PHF8: variants seen among roughly 807,000 people sequenced by gnomAD.
PHF8 encodes the protein histone lysine demethylase PHF8.
PHF8 carries 9 observed loss-of-function variants against 74.4 expected under a neutral mutation model. That is an observed-to-expected ratio of 0.12 (90% CI 0.07 to 0.21). The LOEUF is 0.21. PHF8 is among the 10% of genes least tolerant of loss of function. The probability of loss-of-function intolerance (pLI) is 1.00; values close to 1 mark genes in which losing one functional copy is unlikely to be tolerated. For synonymous variants in PHF8, 311 were observed against 316.6 expected (o/e 0.98, Z 0.19); for missense variants, 478 against 816.6 (o/e 0.59, Z 5.05).
chrX:54,003,224 T>A (rs1557104567), intron 8 of PHF8, among the ~76,000 whole-genome samples: 1 of 112,348 alleles, frequency 8.9e-6, no homozygotes, highest in Admixed American at 9.5e-5. Flanking sequence ...AATTGATAAA[T>A]ATAAACCACA....
chrX:53,937,687 A>C lies in PHF8; in HGVS notation c.*1471T>G, dbSNP rs2064688218. On this transcript the variant is annotated 3_prime_UTR_variant, in exon 22 of 22. Coordinates refer to ENST00000338154, the MANE Select transcript of PHF8 (RefSeq NM_015107.3). ...TGGAGAAAAGAAAGACAAACTGGAG[A>C]TACAAAGATGACAAAAGAAGCCTCA... 1 of 290,737 alleles carries C rather than the reference A, an allele frequency of 3.4e-6. No individual in the cohort carries two copies. Among genetic ancestry groups the C allele is most frequent in the Non-Finnish European group, 6.1e-6 (1 of 164,200 alleles). The allele number at this position is 290,737 out of a possible 1,213,427, so 24.0% of individuals were successfully genotyped here. A position where few individuals can be genotyped will look rare whatever the true frequency, so the allele number is the denominator to read the frequency against.
chrX:54,023,967 C>T (rs887354416), intron 2 of PHF8, among the ~76,000 whole-genome samples: 4 of 111,123 alleles, frequency 3.6e-5, no homozygotes, highest in Admixed American at 9.6e-5. Flanking sequence ...AATGGACTTC[C>T]TGGGATTAGG....
chrX:54,017,226 G>A lies in PHF8; in HGVS notation c.454+435C>T, dbSNP rs193099980. On this transcript the variant is annotated intron_variant, in intron 5 of 21. Transcript: ENST00000338154. ...GTTGGGAGGCCGAGGCAGAAAGATC[G>A]CTTGAGCCCAGTAGTTGGAGATCAG... Among the ~76,000 whole-genome samples, 253 of 112,880 alleles carry A rather than the reference G, an allele frequency of 2.2e-3. 1 individual carries two copies. Among genetic ancestry groups the A allele is most frequent in the Non-Finnish European group, 3.8e-3 (200 of 53,325 alleles).
intron 19 of PHF8, among the ~76,000 whole-genome samples, chrX:53,955,421 T>C (rs1008884403): frequency 4.9e-4 from 54 of 110,213 alleles, no homozygotes; most frequent in African/African-American, 1.7e-3. Context: ...TTATATCTTA[T>C]CTTTCACTCA....
chrX:53,951,007 G>C (rs1224724186), intron 19 of PHF8, among the ~76,000 whole-genome samples: 11 of 112,295 alleles, frequency 9.8e-5, no homozygotes, highest in African/African-American at 3.6e-4. Context: ...TGCTTTCAAA[G>C]GCTAAAGGAG....
chrX:54,008,813 G>A (rs1318756274), intron 8 of PHF8, among the ~76,000 whole-genome samples: 1 of 111,944 alleles, frequency 8.9e-6, no homozygotes, highest in Non-Finnish European at 1.9e-5. Flanking sequence ...GTGAAAAAGG[G>A]GTTGTCAAGG....
intron 19 of PHF8, among the ~76,000 whole-genome samples, chrX:53,959,360 T>C (rs985957162): frequency 3.3e-4 from 37 of 111,776 alleles, no homozygotes; most frequent in African/African-American, 1.1e-3. Context: ...CCCTTCTACT[T>C]TGCATCCTTG....
At chrX:53,961,327 A>AT (rs1227095597) in intron 19 of PHF8, among the ~76,000 whole-genome samples, 50 of 101,075 alleles carry the variant, frequency 4.9e-4, no homozygotes, top group Non-Finnish European at 5.9e-4. Context: ...ACCTAGCCAA[A>AT]TTTTTTTTTT....
At chrX:53,956,696 G>GTA (rs1233686155) in intron 19 of PHF8, among the ~76,000 whole-genome samples, 3 of 109,600 alleles carry the variant, frequency 2.7e-5, no homozygotes, top group Non-Finnish European at 5.7e-5. Flanking sequence ...GTGTGTGTGT[G>GTA]TGTGTGTGTG....
At chrX:54,017,136 C>T (rs1488010179) in intron 5 of PHF8, among the ~76,000 whole-genome samples, 3 of 112,949 alleles carry the variant, frequency 2.7e-5, no homozygotes, top group Non-Finnish European at 3.7e-5. Flanking sequence ...GGAGCTCAAC[C>T]TGGGGTTTTA....
rs1557083077 is a variant in PHF8 at position 53,940,333 on chromosome X, G to A, written c.2833C>T (p.Leu945=). 2.5e-6 allele frequency: 3 copies of A among 1,210,041 alleles called. No homozygotes were observed. Among genetic ancestry groups the A allele is most frequent in the Non-Finnish European group, 3.4e-6 (3 of 894,655 alleles). The change falls in exon 21 of 22, where the codon CTG becomes TTG. Residue 945 remains leucine, a synonymous_variant. Transcript: ENST00000338154. The part of the protein sequence containing the change: ...LPPPEPKQEA[L]SGSLADHEYT... ...TCATGGTCAGCGAGACTTCCTGACA[G>A]GGCCTCTTGTTTAGGCTCAGGAGGA...
chrX:53,940,155 T>C (rs782031339), intron 21 of PHF8, 25 bp downstream of exon 21: 1 of 1,120,261 alleles, frequency 8.9e-7, no homozygotes, highest in African/African-American at 1.8e-5. Context: ...GATCCTTCGG[T>C]TCTACAACCA....
At chrX:53,953,187 T>C (rs1302501302) in intron 19 of PHF8, among the ~76,000 whole-genome samples, 5 of 105,041 alleles carry the variant, frequency 4.8e-5, no homozygotes, top group African/African-American at 1.4e-4. Context: ...GGCGGGAGTA[T>C]TGCTTGAACC....
chrX:53,982,281 G>C (rs1297259960), intron 18 of PHF8, among the ~76,000 whole-genome samples: 1 of 112,477 alleles, frequency 8.9e-6, no homozygotes, highest in Admixed American at 9.4e-5. Context: ...TTCACAGCAA[G>C]GTCTGCAGAG....
chrX:54,008,795 CAAAT>C (rs1261888861), intron 8 of PHF8, among the ~76,000 whole-genome samples: 6 of 111,933 alleles, frequency 5.4e-5, no homozygotes, highest in Non-Finnish European at 1.1e-4. Flanking sequence ...AATCCATACA[CAAAT>C]GAAGTGAAAA....
chrX:53,938,965 A>G lies in PHF8; in HGVS notation c.*193T>C, dbSNP rs1241859302. 5.0e-6 allele frequency: 5 copies of G among 1,004,577 alleles called. No individual in the cohort carries two copies. Among genetic ancestry groups the G allele is most frequent in the Non-Finnish European group, 6.3e-6 (5 of 795,154 alleles). 82.8% of individuals were successfully genotyped at this position (1,004,577 alleles called of 1,213,427 possible). On this transcript the variant is annotated 3_prime_UTR_variant, in exon 22 of 22. Transcript: ENST00000338154. Reference sequence around the variant, plus strand: ...CTCCTCAGTGGAGAAGGCAGGCAGGATGCTCTAGTGAAAGTGGGGAAGGGA... The same window carrying G: ...CTCCTCAGTGGAGAAGGCAGGCAGGGTGCTCTAGTGAAAGTGGGGAAGGGA...
chrX:53,993,509 T>A, intron 13 of PHF8, 92 bp downstream of exon 13: 1 of 752,890 alleles, frequency 1.3e-6, no homozygotes, highest in East Asian at 3.2e-5. Flanking sequence ...CTAAGGGACA[T>A]GGCAGCCAGA....
intron 2 of PHF8, among the ~76,000 whole-genome samples, chrX:54,039,298 C>T (rs1241151699): frequency 5.4e-5 from 6 of 111,654 alleles, no homozygotes; most frequent in Non-Finnish European, 1.1e-4. Context: ...ACTTAAATGG[C>T]GCACTATAAG....
chrX:54,006,019 G>A (rs1237738816), intron 8 of PHF8, among the ~76,000 whole-genome samples: 2 of 112,187 alleles, frequency 1.8e-5, no homozygotes, highest in East Asian at 2.8e-4. Flanking sequence ...ATAAAACTTT[G>A]TGATACAGTT....
Sources: allele counts gnomAD v4.1 joint callset (sites outside exome capture counted in the v4.1 genomes callset), GRCh38; gene constraint gnomAD v4.1.1; transcripts MANE v1.5; gene names NCBI Gene and HGNC (gene_info 2026-07-23, HGNC 2026-07-21).